COBL: variants seen among roughly 807,000 people sequenced by gnomAD.
The protein encoded by COBL is cordon-bleu WH2 repeat protein.
In COBL, 51 loss-of-function variants were observed where a neutral mutation model predicts 98.8. The observed-to-expected ratio is 0.52, with a 90% confidence interval of 0.41 to 0.65. The LOEUF (loss-of-function observed/expected upper bound fraction) is 0.65. Among genes scored for constraint, COBL ranks in the 30% least tolerant of loss-of-function variants. The pLI is 0.00. For missense variants in COBL, 1,617 were observed against 1,617.5 expected (o/e 1.00, Z 0.01); for synonymous variants, 634 against 651.7 (o/e 0.97, Z 0.41).
At chr7:51,077,923 C>G (rs1562879718) in intron 7 of COBL, among the ~76,000 whole-genome samples, 1 of 152,188 alleles carries the variant, frequency 6.6e-6, no homozygotes, top group Non-Finnish European at 1.5e-5. Context: ...AAATCACCCA[C>G]TTGCTCTTCA....
At chr7:51,055,836 C>A (rs974060889) in intron 7 of COBL, among the ~76,000 whole-genome samples, 1 of 152,098 alleles carries the variant, frequency 6.6e-6, no homozygotes, top group East Asian at 1.9e-4. Flanking sequence ...GAAACCTATT[C>A]CCTGCAATAG....
At chr7:51,029,900 C>G (rs1787983831) in intron 9 of COBL, among the ~76,000 whole-genome samples, 1 of 152,196 alleles carries the variant, frequency 6.6e-6, no homozygotes, top group African/African-American at 2.4e-5. Context: ...TGTCTCAACA[C>G]AGAAACATGA....
intron 7 of COBL, among the ~76,000 whole-genome samples, chr7:51,052,302 C>G (rs949542188): frequency 6.6e-6 from 1 of 152,170 alleles, no homozygotes; most frequent in Non-Finnish European, 1.5e-5. Context: ...ACATGGTGGG[C>G]AGGAGTCAAA....
chr7:51,061,879 T>C (rs1039817020), intron 7 of COBL, among the ~76,000 whole-genome samples: 3 of 151,608 alleles, frequency 2.0e-5, no homozygotes, highest in East Asian at 1.9e-4. Context: ...AGATGGCAAA[T>C]GGTCAAACTT....
chr7:51,019,134 T>C (rs984173012), intron 12 of COBL, among the ~76,000 whole-genome samples: 2 of 151,264 alleles, frequency 1.3e-5, no homozygotes. Flanking sequence ...CACTTATTAA[T>C]AGGGGGAGTG....
At chr7:51,247,273 G>A (rs890786820) in intron 1 of COBL, among the ~76,000 whole-genome samples, 5 of 152,006 alleles carry the variant, frequency 3.3e-5, no homozygotes, top group African/African-American at 1.2e-4. Flanking sequence ...CTTCTTTCGG[G>A]GCCACTCTGC....
intron 1 of COBL, among the ~76,000 whole-genome samples, chr7:51,288,858 C>G (rs1800630240): frequency 8.5e-6 from 1 of 117,960 alleles, no homozygotes; most frequent in Non-Finnish European, 1.7e-5. Flanking sequence ...AAATACTCTT[C>G]TACCTACTCA....
Position 51,313,624 on chromosome 7 carries a change from T to C in COBL, c.41+2969A>G, listed in dbSNP as rs1584477475. Reference sequence around the variant, plus strand: ...GAGATTACTGTATTCTACAGAAACATGTCTTTCCTCCATAGGAAAAAAAAA... The same window carrying C: ...GAGATTACTGTATTCTACAGAAACACGTCTTTCCTCCATAGGAAAAAAAAA... On this transcript the variant is annotated intron_variant, in intron 1 of 12. Transcript: ENST00000265136. Among the ~76,000 whole-genome samples, 5 of 152,286 alleles carry C rather than the reference T, an allele frequency of 3.3e-5. No individual in the cohort carries two copies. In the South Asian group the frequency reaches 8.3e-4, roughly 25 times the overall value.
intron 6 of COBL, among the ~76,000 whole-genome samples, chr7:51,134,268 T>C (rs1799017710): frequency 6.6e-6 from 1 of 152,238 alleles, no homozygotes; most frequent in African/African-American, 2.4e-5. Flanking sequence ...ATGCCACTCA[T>C]ATGCTTAAAA....
rs528828128 is a variant in COBL, at chr7:51,251,947, CACATGTCTCCTAAG to C, written c.42-32017_42-32004del. Among the ~76,000 whole-genome samples the C allele has an allele frequency of 1.8e-4, 27 of 152,320 alleles. No homozygotes were observed. In the East Asian group the frequency reaches 5.2e-3, roughly 29 times the overall value. ...AGTTCTGCACTCTAAAGTCCTTTAG[CACATGTCTCCTAAG>C]AGTAAGAGCAGTCTCTACATAAGCT... On this transcript the variant is annotated intron_variant, in intron 1 of 12. Transcript: ENST00000265136.
intron 6 of COBL, among the ~76,000 whole-genome samples, chr7:51,121,880 G>A (rs1006117704): frequency 1.3e-4 from 20 of 152,212 alleles, no homozygotes; most frequent in Non-Finnish European, 1.5e-5. Context: ...TCCCTTCATA[G>A]TGAAAAACAT....
At chr7:51,056,637 G>A (rs886721387) in intron 7 of COBL, among the ~76,000 whole-genome samples, 1 of 152,110 alleles carries the variant, frequency 6.6e-6, no homozygotes, top group African/African-American at 2.4e-5. Context: ...ACCTGGTTCT[G>A]GACTAAGGAA....
At chr7:51,039,037 G>A (rs1788905130) in intron 8 of COBL, among the ~76,000 whole-genome samples, 1 of 151,682 alleles carries the variant, frequency 6.6e-6, no homozygotes, top group South Asian at 2.1e-4. Context: ...TCGACTCAGG[G>A]ACCAGGCACA....
At chr7:51,275,368 AGAAAGT>A (rs925055501) in intron 1 of COBL, among the ~76,000 whole-genome samples, 1 of 152,320 alleles carries the variant, frequency 6.6e-6, no homozygotes, top group African/African-American at 2.4e-5. Context: ...GCGAAATTGA[AGAAAGT>A]TCTATGTCAA....
chr7:51,225,901 A>T, intron 1 of COBL, among the ~76,000 whole-genome samples: 1 of 152,154 alleles, frequency 6.6e-6, no homozygotes, highest in Non-Finnish European at 1.5e-5. Flanking sequence ...TTAAAACCTA[A>T]CTCTATAGGT....
chr7:51,230,762 C>T (rs1045616025), intron 1 of COBL, among the ~76,000 whole-genome samples: 2 of 152,244 alleles, frequency 1.3e-5, no homozygotes, highest in African/African-American at 4.8e-5. Context: ...CCTCTAACTT[C>T]AAGGCTATTT....
rs573815543 is a variant in COBL at position 51,196,982 on chromosome 7, G to A, written c.246-3393C>T. 5.3e-5 allele frequency among the ~76,000 whole-genome samples: 8 copies of A among 151,814 alleles called. No individual in the cohort carries two copies. The East Asian group carries it at 1.4e-3, about 26-fold the overall frequency. On this transcript the variant is annotated intron_variant, in intron 2 of 12. Transcript: ENST00000265136. The stretch of plus-strand genomic sequence containing the variant: ...TTTTTCAAAAAAAAAACAGCTCCAG[G>A]ATTCACTGATCCTTTGAATAATTTT...
rs199744590 is a variant in COBL, at chr7:51,043,635, A to G, written c.1154T>C (p.Leu385Pro). 3.3e-5 allele frequency: 54 copies of G among 1,614,120 alleles called. No homozygotes were observed. The highest frequency in any genetic ancestry group is 4.2e-6 in the Non-Finnish European group (5 of 1,180,050). The change falls in exon 8 of 13, where the codon CTG (leucine) becomes CCG (proline). Residue 385 changes from leucine (L) to proline (P), a missense_variant. Transcript: ENST00000265136. Reference protein sequence around the residue: ...HCSPDGAPQVLSEAEETVSVG... With the variant: ...HCSPDGAPQVPSEAEETVSVG... ...TGACACGGTCTCCTCCGCCTCTGACAGCACCTGCGGGGCTCCATCCGGGCT... is the reference window on the plus strand; with the variant it reads ...TGACACGGTCTCCTCCGCCTCTGACGGCACCTGCGGGGCTCCATCCGGGCT...
chr7:51,247,606 A>G (rs547347452), intron 1 of COBL, among the ~76,000 whole-genome samples: 1 of 152,212 alleles, frequency 6.6e-6, no homozygotes, highest in East Asian at 1.9e-4. Flanking sequence ...GCTTGCTCCC[A>G]TCTCCCATAA....
Sources: gnomAD v4.1 joint callset for allele counts (sites outside exome capture counted in the v4.1 genomes callset) on GRCh38, gnomAD v4.1.1 for gene constraint, MANE v1.5 for transcripts, NCBI Gene and HGNC (gene_info 2026-07-23, HGNC 2026-07-21) for gene names.